Variants in ADAM22 observed in about 807,000 individuals in gnomAD.
ADAM22 encodes the protein disintegrin and metalloproteinase domain-containing protein 22.
Under a neutral mutation model 144.6 loss-of-function variants are expected in ADAM22, and 65 were observed. That is an observed-to-expected ratio of 0.45 (90% confidence interval 0.37 to 0.55). ADAM22 has a LOEUF of 0.55. Among genes scored for constraint, ADAM22 ranks in the 20% least tolerant of loss-of-function variants. The probability of loss-of-function intolerance (pLI) is 0.00; values close to 1 mark genes in which losing one functional copy is unlikely to be tolerated. For missense variants in ADAM22, 974 were observed against 1,184.9 expected, an observed-to-expected ratio of 0.82 and a Z score of 2.61; for synonymous variants, 391 against 412.6, an observed-to-expected ratio of 0.95 and a Z score of 0.63.
chr7:88,158,625 A>G (rs1030186438), intron 22 of ADAM22, among the ~76,000 whole-genome samples: 1 of 152,164 alleles, frequency 6.6e-6, no homozygotes, highest in African/African-American at 2.4e-5. Context: ...ATGCAATTAT[A>G]TGGAAATTAA....
chr7:87,936,943 A>G (rs1841378534), intron 2 of ADAM22, among the ~76,000 whole-genome samples: 2 of 151,860 alleles, frequency 1.3e-5, no homozygotes, highest in African/African-American at 2.4e-5. Flanking sequence ...TAATGTCTGT[A>G]GATTGCAATT....
intron 4 of ADAM22, among the ~76,000 whole-genome samples, chr7:88,088,510 G>GAA (rs11404353): frequency 0.34 from 49,607 of 146,134 alleles, 8,918 homozygotes; most frequent in East Asian, 0.57. Context: ...TCAATGACAG[G>GAA]AAAAAAAAAA....
chr7:88,043,124 C>A (rs1803565638), intron 3 of ADAM22, among the ~76,000 whole-genome samples: 1 of 151,796 alleles, frequency 6.6e-6, no homozygotes, highest in Non-Finnish European at 1.5e-5. Flanking sequence ...TTCTTTGAAA[C>A]ATAGATCTCA....
chr7:88,063,902 A>C (rs1337999571), intron 3 of ADAM22, among the ~76,000 whole-genome samples: 1 of 152,230 alleles, frequency 6.6e-6, no homozygotes, highest in African/African-American at 2.4e-5. Context: ...ATTTAAAATA[A>C]ATTAACATCA....
Position 88,114,649 on chromosome 7 carries a change from T to G in ADAM22, c.537+2T>G. 1 of 1,613,788 alleles carries G rather than the reference T, an allele frequency of 6.2e-7. No individual in the cohort carries two copies. Among genetic ancestry groups the G allele is most frequent in the Non-Finnish European group, 8.5e-7 (1 of 1,179,774 alleles). On this transcript the variant is annotated splice_donor_variant, in intron 6 of 31. Transcript: ENST00000413139. LOFTEE classifies it high-confidence loss of function. ...CCAGAAGAAAATGACACTACTCAAG[T>G]AAGTGCTCCTTCTGTTTGTTGTGGC...
At chr7:87,987,470 C>A (rs756403866) in intron 3 of ADAM22, among the ~76,000 whole-genome samples, 37 of 152,084 alleles carry the variant, frequency 2.4e-4, no homozygotes, top group Non-Finnish European at 5.0e-4. Flanking sequence ...TGAGCCACCA[C>A]GCCTGGCCCC....
intron 2 of ADAM22, among the ~76,000 whole-genome samples, chr7:87,964,247 A>G (rs1449285326): frequency 6.6e-6 from 1 of 152,222 alleles, no homozygotes; most frequent in Non-Finnish European, 1.5e-5. Context: ...TTTTCCTGCC[A>G]TAATGTATAC....
intron 7 of ADAM22, among the ~76,000 whole-genome samples, chr7:88,123,149 A>G (rs2129494044): frequency 6.6e-6 from 1 of 152,168 alleles, no homozygotes; most frequent in African/African-American, 2.4e-5. Flanking sequence ...ATTTGTGTGT[A>G]TTACTGGGTT....
chr7:88,141,153 C>T (rs574181347), intron 14 of ADAM22, among the ~76,000 whole-genome samples: 4 of 152,296 alleles, frequency 2.6e-5, no homozygotes, highest in Admixed American at 2.0e-4. Flanking sequence ...CAGTGTTTGT[C>T]GGGAGCTGGT....
At chr7:88,190,391 C>T (rs998893601) in intron 30 of ADAM22, among the ~76,000 whole-genome samples, 6 of 151,612 alleles carry the variant, frequency 4.0e-5, no homozygotes, top group East Asian at 3.9e-4. Flanking sequence ...AAAAATTAGC[C>T]GGGGGTGGTG....
intron 30 of ADAM22, among the ~76,000 whole-genome samples, chr7:88,190,944 A>G (rs1586648914): frequency 6.9e-6 from 1 of 144,492 alleles, no homozygotes; most frequent in East Asian, 2.0e-4. Context: ...AATTAACAAG[A>G]GTGTTATTAT....
At position 87,980,294 on chromosome 7, in the gene ADAM22, T is replaced by TG. The variant is rs1236115474; in HGVS notation, c.323+1882_323+1883insG. 1.3e-4 allele frequency among the ~76,000 whole-genome samples: 20 copies of TG among 150,274 alleles called. No homozygotes were observed. The East Asian group carries it at 3.5e-3, about 26-fold the overall frequency. ...AGAAACATGCACTGTGCTCTTTTTTTTTTTTGCCTGGGATCGATGTTAAAC... is the reference window on the plus strand; with the variant it reads ...AGAAACATGCACTGTGCTCTTTTTTTGTTTTTGCCTGGGATCGATGTTAAAC... On this transcript the variant is annotated intron_variant, in intron 3 of 31. Transcript: ENST00000413139.
At chr7:88,121,066 T>C (rs2008834) in intron 7 of ADAM22, among the ~76,000 whole-genome samples, 59,095 of 152,048 alleles carry the variant, frequency 0.39, 13,433 homozygotes, top group East Asian at 0.84. Flanking sequence ...TTAAAAAGTA[T>C]TAAAAGTATG....
At chr7:88,022,163 TAGGATTAC>T (rs1333729634) in intron 3 of ADAM22, among the ~76,000 whole-genome samples, 1 of 152,100 alleles carries the variant, frequency 6.6e-6, no homozygotes, top group African/African-American at 2.4e-5. Flanking sequence ...CCCAAAGTGC[TAGGATTAC>T]AGGCATGAAC....
intron 31 of ADAM22, among the ~76,000 whole-genome samples, chr7:88,193,759 A>T (rs1189254434): frequency 6.6e-6 from 1 of 152,250 alleles, no homozygotes; most frequent in African/African-American, 2.4e-5. Context: ...AAAAAATAAA[A>T]TAAAGCTTAT....
At chr7:88,113,486 C>T (rs1263130423) in intron 5 of ADAM22, among the ~76,000 whole-genome samples, 2 of 150,124 alleles carry the variant, frequency 1.3e-5, no homozygotes, top group African/African-American at 2.5e-5. Context: ...GATTGTATTT[C>T]CCATCTGCTT....
intron 3 of ADAM22, among the ~76,000 whole-genome samples, chr7:88,005,796 A>T (rs997327327): frequency 1.3e-5 from 2 of 152,194 alleles, no homozygotes; most frequent in Non-Finnish European, 2.9e-5. Flanking sequence ...TTAAGAAAAA[A>T]ATATAAAATT....
At chr7:87,998,550 C>T (rs1053472481) in intron 3 of ADAM22, among the ~76,000 whole-genome samples, 1 of 152,100 alleles carries the variant, frequency 6.6e-6, no homozygotes, top group Non-Finnish European at 1.5e-5. Context: ...GCCACAATGC[C>T]TGGCTAATTT....
chr7:88,089,053 T>C (rs1425570344), intron 4 of ADAM22, among the ~76,000 whole-genome samples: 1 of 152,136 alleles, frequency 6.6e-6, no homozygotes, highest in African/African-American at 2.4e-5. Context: ...ATTGCTTGAA[T>C]TGTTTCTTTT....
Sources: allele counts gnomAD v4.1 joint callset (sites outside exome capture counted in the v4.1 genomes callset), GRCh38; gene constraint gnomAD v4.1.1; transcripts MANE v1.5; gene names NCBI Gene and HGNC (gene_info 2026-07-23, HGNC 2026-07-21).